Variants in THSD7B observed in about 807,000 individuals in gnomAD.
The protein encoded by THSD7B is thrombospondin type-1 domain-containing protein 7B.
THSD7B carries 138 observed loss-of-function variants against 213.6 expected under a neutral mutation model. The observed-to-expected ratio is 0.65, with a 90% CI of 0.56 to 0.74. THSD7B has a LOEUF of 0.74. Ranked by LOEUF, THSD7B falls within the 30% of genes least tolerant of loss-of-function variation. The probability of loss-of-function intolerance (pLI) is 0.00; values close to 1 mark genes in which losing one functional copy is unlikely to be tolerated. For synonymous variants in THSD7B, 742 were observed against 687.0 expected (o/e 1.08, Z -1.25); for missense variants, 1,931 against 1,991.5 (o/e 0.97, Z 0.58).
At chr2:137,374,361 C>T (rs1239291002) in intron 12 of THSD7B, among the ~76,000 whole-genome samples, 1 of 152,112 alleles carries the variant, frequency 6.6e-6, no homozygotes, top group African/African-American at 2.4e-5. Context: ...ACCTCTTGTT[C>T]ATTGATTTAC....
At chr2:137,670,633 C>T (rs1256546477) in intron 27 of THSD7B, among the ~76,000 whole-genome samples, 1 of 152,016 alleles carries the variant, frequency 6.6e-6, no homozygotes, top group African/African-American at 2.4e-5. Context: ...ATAAAATGCT[C>T]ATCTTCGGCC....
At chr2:137,540,501 C>T (rs961813957) in intron 15 of THSD7B, among the ~76,000 whole-genome samples, 3 of 151,610 alleles carry the variant, frequency 2.0e-5, no homozygotes, top group African/African-American at 7.3e-5. Flanking sequence ...CCAACCAACC[C>T]CAACACCTAG....
Position 137,115,214 on chromosome 2 carries a change from G to A in THSD7B, c.1290G>A (p.Val430=), listed in dbSNP as rs1390365749. The change falls in exon 5 of 28, where the codon GTG becomes GTA. Residue 430 remains valine, a synonymous_variant. Transcript: ENST00000409968. ...QDPHWHVTGP[V]CGGGIQTREV... is the part of the protein sequence containing the mutation. ...CCCACTGGCATGTGACGGGACCCGT[G>A]TGTGGCGGTGGGATCCAGACCCGGG... 6.2e-7 allele frequency: 1 copy of A among 1,613,852 alleles called. No individual in the cohort carries two copies. Among genetic ancestry groups the A allele is most frequent in the South Asian group, 1.1e-5 (1 of 91,070 alleles).
At chr2:136,995,476 T>C (rs1685867352) in intron 2 of THSD7B, among the ~76,000 whole-genome samples, 1 of 152,174 alleles carries the variant, frequency 6.6e-6, no homozygotes, top group South Asian at 2.1e-4. Context: ...TCCCAAAATG[T>C]CCCCTTAGAT....
intron 21 of THSD7B, among the ~76,000 whole-genome samples, chr2:137,646,769 T>C (rs1397171953): frequency 6.6e-6 from 1 of 151,972 alleles, no homozygotes; most frequent in African/African-American, 2.4e-5. Flanking sequence ...TTACCCAATC[T>C]AAGGTATTTT....
chr2:137,277,002 A>G (rs1682890684), intron 12 of THSD7B, among the ~76,000 whole-genome samples: 1 of 152,070 alleles, frequency 6.6e-6, no homozygotes. Flanking sequence ...TTTTACTTTC[A>G]TATATCACTA....
chr2:137,387,653 C>A (rs952147482), intron 12 of THSD7B, among the ~76,000 whole-genome samples: 36 of 151,868 alleles, frequency 2.4e-4, no homozygotes, highest in African/African-American at 7.7e-4. Context: ...ACAGAAAGAA[C>A]CAAAAAAGAA....
At chr2:137,105,158 A>G (rs769059028) in intron 4 of THSD7B, among the ~76,000 whole-genome samples, 4 of 152,248 alleles carry the variant, frequency 2.6e-5, no homozygotes, top group Admixed American at 2.0e-4. Flanking sequence ...AAAATCCTCA[A>G]TAAAGTACTG....
At chr2:137,443,032 C>T (rs1687451164) in intron 14 of THSD7B, among the ~76,000 whole-genome samples, 1 of 152,062 alleles carries the variant, frequency 6.6e-6, no homozygotes, top group Non-Finnish European at 1.5e-5. Context: ...CACTTATTTG[C>T]AGTAATGGGA....
At chr2:136,908,224 G>A (rs1259758284) in intron 2 of THSD7B, among the ~76,000 whole-genome samples, 1 of 152,106 alleles carries the variant, frequency 6.6e-6, no homozygotes, top group African/African-American at 2.4e-5. Context: ...TAATAAATAA[G>A]TCAAATTATA....
intron 7 of THSD7B, among the ~76,000 whole-genome samples, chr2:137,176,091 T>TATACTTTAGTATAAA (rs1357283419): frequency 6.6e-6 from 1 of 152,208 alleles, no homozygotes; most frequent in African/African-American, 2.4e-5. Flanking sequence ...AGTATAATAT[T>TATACTTTAGTATAAA]TATTTTCTTG....
chr2:137,184,273 T>C (rs1680510240), intron 7 of THSD7B, among the ~76,000 whole-genome samples: 1 of 152,186 alleles, frequency 6.6e-6, no homozygotes, highest in South Asian at 2.1e-4. Flanking sequence ...CTTAGTCCCA[T>C]GCAGGAGAGA....
intron 12 of THSD7B, among the ~76,000 whole-genome samples, chr2:137,290,885 T>A (rs6730418): frequency 6.6e-6 from 1 of 151,884 alleles, no homozygotes; most frequent in South Asian, 2.1e-4. Context: ...AGACCACTGT[T>A]GATATCCACC....
intron 10 of THSD7B, among the ~76,000 whole-genome samples, chr2:137,257,642 T>C (rs993383779): frequency 6.6e-6 from 1 of 152,228 alleles, no homozygotes; most frequent in African/African-American, 2.4e-5. Flanking sequence ...ACAGATCACC[T>C]GCCCATCCAT....
intron 4 of THSD7B, among the ~76,000 whole-genome samples, chr2:137,101,126 C>T (rs1688142103): frequency 6.6e-6 from 1 of 152,286 alleles, no homozygotes; most frequent in East Asian, 1.9e-4. Flanking sequence ...ACCTCTGCCT[C>T]CTGGGTTCTG....
At chr2:137,648,250 G>A (rs950194328) in intron 21 of THSD7B, among the ~76,000 whole-genome samples, 26 of 151,854 alleles carry the variant, frequency 1.7e-4, no homozygotes, top group African/African-American at 6.1e-4. Flanking sequence ...ATTCTCTTCT[G>A]GCCATTTTGA....
chr2:137,455,254 C>T (rs911391320), intron 15 of THSD7B, among the ~76,000 whole-genome samples: 1 of 152,104 alleles, frequency 6.6e-6, no homozygotes, highest in Non-Finnish European at 1.5e-5. Context: ...CCTAGTTCCA[C>T]AGAAATAAAC....
chr2:137,600,323 T>A (rs986919207), intron 17 of THSD7B, among the ~76,000 whole-genome samples: 1 of 152,230 alleles, frequency 6.6e-6, no homozygotes, highest in Non-Finnish European at 1.5e-5. Flanking sequence ...ACTAACCACA[T>A]GTATGAAGGT....
At chr2:137,063,389 T>C (rs1189127463) in intron 3 of THSD7B, among the ~76,000 whole-genome samples, 1 of 151,978 alleles carries the variant, frequency 6.6e-6, no homozygotes, top group East Asian at 1.9e-4. Flanking sequence ...TTATTTAATT[T>C]TTAGCTGTTG....
Sources: gnomAD v4.1 joint callset for allele counts (sites outside exome capture counted in the v4.1 genomes callset) on GRCh38, gnomAD v4.1.1 for gene constraint, MANE v1.5 for transcripts, NCBI Gene and HGNC (gene_info 2026-07-23, HGNC 2026-07-21) for gene names.